Variants in PRELID2 observed in about 807,000 individuals in gnomAD.
PRELID2 encodes PRELI domain-containing protein 2.
In PRELID2, 25 loss-of-function variants were observed where a neutral mutation model predicts 28.4. The ratio of observed to expected loss-of-function variants is 0.88; its 90% CI spans 0.64 to 1.23. The LOEUF (loss-of-function observed/expected upper bound fraction) is 1.23, where lower values mean the gene tolerates loss of function less well. Among genes scored for constraint, PRELID2 ranks in the 50% most tolerant of loss-of-function variants. The pLI is 0.00. For missense variants in PRELID2, 201 were observed against 214.4 expected (o/e 0.94, Z 0.39); for synonymous variants, 76 against 71.6 (o/e 1.06, Z -0.31).
intron 1 of PRELID2, among the ~76,000 whole-genome samples, chr5:145,697,145 C>G (rs2149700237): frequency 6.8e-6 from 1 of 147,520 alleles, no homozygotes; most frequent in Non-Finnish European, 1.5e-5. Context: ...CATAGGCACA[C>G]ATACAATATA....
chr5:145,328,440 G>A, the PRELID2 span, among the ~76,000 whole-genome samples: 1 of 152,154 alleles, frequency 6.6e-6, no homozygotes, highest in African/African-American at 2.4e-5. Flanking sequence ...ATCCTCTCCA[G>A]CATCTGTTAT....
At position 145,818,013 on chromosome 5, in the gene PRELID2, C is replaced by G; in HGVS notation, c.249G>C (p.Glu83Asp). 1 of 1,613,002 alleles carries G rather than the reference C, an allele frequency of 6.2e-7. No individual in the cohort carries two copies. Among genetic ancestry groups the G allele is most frequent in the Non-Finnish European group, 8.5e-7 (1 of 1,179,464 alleles). Residue 83 changes from glutamate to aspartate, a missense_variant, in exon 4 of 7, where the codon GAG becomes GAC. Coordinates refer to ENST00000683046, the MANE Select transcript of PRELID2 (RefSeq NM_205846.3). ...TTCTTTCCCGAGGATTGAGCCATGA[C>G]TCCTCTTCTAATTGGATATTAGGTA... ...LKVPNIQLEEESWLNPRERNM... is the reference protein window; with the variant it reads ...LKVPNIQLEEDSWLNPRERNM...
At chr5:145,360,674 C>G in the PRELID2 span, among the ~76,000 whole-genome samples, 1 of 152,210 alleles carries the variant, frequency 6.6e-6, no homozygotes, top group African/African-American at 2.4e-5. Context: ...ACTACAAAAC[C>G]AAGGGATCCA....
rs1433929231 is a variant in PRELID2 at position 145,618,934 on chromosome 5, T to C, written n.71-145619A>G. Among the ~76,000 whole-genome samples, 3 of 152,094 alleles carry C rather than the reference T, an allele frequency of 2.0e-5. No individual in the cohort carries two copies. The East Asian group carries it at 5.8e-4, about 29-fold the overall frequency. ...CTAGGAGGATTACGGCCACCTCTGC[T>C]GAGTCATGCAGGTTGTCAGGGTAAG... On this transcript the variant is annotated intron_variant and non_coding_transcript_variant, in intron 1 of 2. Coordinates refer to the PRELID2 transcript ENST00000510259.
At chr5:145,438,199 A>G in the PRELID2 span, among the ~76,000 whole-genome samples, 2 of 152,148 alleles carry the variant, frequency 1.3e-5, no homozygotes. Flanking sequence ...GGACAGAGAC[A>G]CTATTTTCTT....
intron 1 of PRELID2, among the ~76,000 whole-genome samples, chr5:145,565,334 G>T (rs1056575585): frequency 3.0e-4 from 46 of 152,186 alleles, no homozygotes; most frequent in African/African-American, 1.1e-3. Flanking sequence ...CCCTGTTATT[G>T]TTTTGACATG....
At chr5:145,812,347 T>C (rs1302601705) in intron 4 of PRELID2, among the ~76,000 whole-genome samples, 2 of 152,012 alleles carry the variant, frequency 1.3e-5, no homozygotes, top group Non-Finnish European at 2.9e-5. Flanking sequence ...GGCTATGAGA[T>C]AATGCAGTTC....
chr5:145,801,768 C>T (rs942502462), intron 4 of PRELID2, among the ~76,000 whole-genome samples: 5 of 152,160 alleles, frequency 3.3e-5, no homozygotes, highest in South Asian at 4.1e-4. Flanking sequence ...TTCTAGTGCA[C>T]GAGATTAGAA....
At position 145,729,070 on chromosome 5, in the gene PRELID2, G is replaced by A. The variant is rs576325036; in HGVS notation, n.70+35861C>T. Reference sequence around the variant, plus strand: ...ATAATAAATGCCTTAAGAAATTCAAGTAAGCAGAATGTTTGCTTTCACTTG... The same window carrying A: ...ATAATAAATGCCTTAAGAAATTCAAATAAGCAGAATGTTTGCTTTCACTTG... On this transcript the variant is annotated intron_variant and non_coding_transcript_variant, in intron 1 of 2. Transcript: ENST00000510259. 3 of 603,416 alleles carry A rather than the reference G, an allele frequency of 5.0e-6. No homozygotes were observed. The Admixed American group carries it at 8.2e-5, about 16-fold the overall frequency. 37.4% of individuals were successfully genotyped at this position (603,416 alleles called of 1,614,324 possible).
chr5:145,386,891 C>T, the PRELID2 span, among the ~76,000 whole-genome samples: 1 of 152,170 alleles, frequency 6.6e-6, no homozygotes, highest in Non-Finnish European at 1.5e-5. Context: ...CACTTTATAA[C>T]ATTAATTCTC....
intron 2 of PRELID2, among the ~76,000 whole-genome samples, chr5:145,472,343 T>C (rs767420007): frequency 2.0e-5 from 3 of 152,088 alleles, no homozygotes; most frequent in Non-Finnish European, 4.4e-5. Context: ...CACAGCCCCA[T>C]AGGACAAGAA....
chr5:145,230,951 G>A, the PRELID2 span, among the ~76,000 whole-genome samples: 1 of 152,156 alleles, frequency 6.6e-6, no homozygotes, highest in African/African-American at 2.4e-5. Flanking sequence ...CTTCTTTCTG[G>A]AGAGAGATAA....
Position 145,742,106 on chromosome 5 carries a change from A to T in PRELID2, n.70+22825T>A, listed in dbSNP as rs925884225. On this transcript the variant is annotated intron_variant and non_coding_transcript_variant, in intron 1 of 2. Coordinates refer to the PRELID2 transcript ENST00000510259. ...TATATATTTATAATTACATATAATT[A>T]TATATAAATAAAATTTATTAATTAT... 5.5e-4 allele frequency among the ~76,000 whole-genome samples: 70 copies of T among 127,420 alleles called. No homozygotes were observed. In the East Asian group the frequency reaches 0.014, roughly 26 times the overall value. 83.6% of individuals were successfully genotyped at this position (127,420 alleles called of 152,430 possible).
intron 1 of PRELID2, among the ~76,000 whole-genome samples, chr5:145,702,769 T>G (rs1470564828): frequency 2.6e-5 from 4 of 152,108 alleles, no homozygotes; most frequent in Non-Finnish European, 5.9e-5. Flanking sequence ...TTATCTTAAG[T>G]GATACAGACT....
chr5:145,772,143 C>T (rs746497022), intron 5 of PRELID2, among the ~76,000 whole-genome samples: 5 of 151,984 alleles, frequency 3.3e-5, no homozygotes, highest in African/African-American at 4.8e-5. Flanking sequence ...TTGGCACATA[C>T]AGTGTGCCAA....
chr5:145,753,356 G>T (rs1027589522), downstream of PRELID2, among the ~76,000 whole-genome samples: 1 of 152,196 alleles, frequency 6.6e-6, no homozygotes, highest in Non-Finnish European at 1.5e-5. Flanking sequence ...TCCTTTTTCT[G>T]CAAGGGGTTC....
chr5:145,669,176 G>GA (rs1561538678), intron 1 of PRELID2, among the ~76,000 whole-genome samples: 1 of 152,064 alleles, frequency 6.6e-6, no homozygotes, highest in African/African-American at 2.4e-5. Context: ...GGATGATGCT[G>GA]AAAAAATATT....
the PRELID2 span, among the ~76,000 whole-genome samples, chr5:145,391,254 A>T: frequency 6.6e-6 from 1 of 152,180 alleles, no homozygotes. Flanking sequence ...ATTTCCATAC[A>T]TTCTCTGAAA....
Position 145,596,065 on chromosome 5 carries a change from A to G in PRELID2, n.71-122750T>C, listed in dbSNP as rs73309698. On this transcript the variant is annotated intron_variant and non_coding_transcript_variant, in intron 1 of 2. Transcript: ENST00000510259. ...CCGAGGTGGCACCACTGCACATTGCACTCCAGCCTGGGTGACAGAGTGAGA... is the reference window on the plus strand; with the variant it reads ...CCGAGGTGGCACCACTGCACATTGCGCTCCAGCCTGGGTGACAGAGTGAGA... Among the ~76,000 whole-genome samples, 534 of 138,574 alleles carry G rather than the reference A, an allele frequency of 3.9e-3. 8 individuals carry two copies. The highest frequency in any genetic ancestry group is 0.014 in the African/African-American group (488 of 35,964). The allele number at this position is 138,574 out of a possible 152,430, so 90.9% of individuals were successfully genotyped here. A position where few individuals can be genotyped will look rare whatever the true frequency, so the allele number is the denominator to read the frequency against.
Sources: gnomAD v4.1 joint callset for allele counts (sites outside exome capture counted in the v4.1 genomes callset) on GRCh38, gnomAD v4.1.1 for gene constraint, MANE v1.5 for transcripts, NCBI Gene and HGNC (gene_info 2026-07-23, HGNC 2026-07-21) for gene names.